The following DNAJB11 variants were observed in gnomAD, a reference collection of about 807,000 sequenced individuals.
DNAJB11 encodes DnaJ heat shock protein family (Hsp40) member B11, also known as dnaJ homolog subfamily B member 11.
In DNAJB11, 30 loss-of-function variants were observed where a neutral mutation model predicts 47.2. The observed-to-expected ratio is 0.64, with a 90% CI of 0.48 to 0.86. DNAJB11 has a LOEUF of 0.86. Among genes scored for constraint, DNAJB11 ranks in the 40% least tolerant of loss-of-function variants. The pLI, the probability that DNAJB11 is intolerant of heterozygous loss-of-function variation, is 0.00. For missense variants in DNAJB11, 357 were observed against 440.2 expected (o/e 0.81, Z 1.69); for synonymous variants, 151 against 159.9 (o/e 0.94, Z 0.42).
At chr3:186,571,084 G>GGCACCCCCGGA in intron 1 of DNAJB11, 119 bp downstream of exon 1, 1 of 952,684 alleles carries the variant, frequency 1.0e-6, no homozygotes, top group Non-Finnish European at 1.6e-6. Flanking sequence ...ATCGCTGTGG[G>GGCACCCCCGGA]TTGGCGGGGT....
chr3:186,574,786 A>C (rs1715208220), intron 2 of DNAJB11, among the ~76,000 whole-genome samples: 2 of 152,200 alleles, frequency 1.3e-5, no homozygotes, highest in Non-Finnish European at 1.5e-5. Context: ...CTTTTAAGTC[A>C]ACAAGCCCCG....
chr3:186,582,689 C>T (rs890309592), intron 6 of DNAJB11, 27 bp from the exon 7 acceptor site: 1 of 1,562,784 alleles, frequency 6.4e-7, no homozygotes, highest in Non-Finnish European at 8.7e-7. Flanking sequence ...GTATGATTTA[C>T]AATATGCTGT....
chr3:186,578,579 G>A (rs1715378213), intron 4 of DNAJB11: 3 of 152,058 alleles, frequency 2.0e-5, no homozygotes, highest in South Asian at 4.1e-4. Flanking sequence ...CATCAAATGG[G>A]TATAAAATAT....
intron 2 of DNAJB11, among the ~76,000 whole-genome samples, chr3:186,574,473 G>A (rs1169077906): frequency 6.6e-6 from 1 of 151,540 alleles, no homozygotes; most frequent in African/African-American, 2.4e-5. Flanking sequence ...TAATAATAAG[G>A]GTTTTTTTTT....
At chr3:186,584,677 A>G in intron 9 of DNAJB11, 88 bp downstream of exon 9, 1 of 1,295,440 alleles carries the variant, frequency 7.7e-7, no homozygotes, top group Non-Finnish European at 1.0e-6. Flanking sequence ...CAATAGAAGA[A>G]CTCTCCAGTG....
chr3:186,571,032 T>TGGGGGGGGGAGGGGGG, intron 1 of DNAJB11, 67 bp downstream of exon 1: 1 of 202,008 alleles, frequency 5.0e-6, no homozygotes, highest in Non-Finnish European at 1.0e-5. Context: ...TGGGAGGGGG[T>TGGGGGGGGGAGGGGGG]GGGGGAAGTG....
At chr3:186,579,853 G>A (rs1035141937) in intron 4 of DNAJB11, 1 of 152,194 alleles carries the variant, frequency 6.6e-6, no homozygotes, top group Non-Finnish European at 1.5e-5. Context: ...TGTAGTTACT[G>A]TTTCCTGGAA....
chr3:186,575,368 C>CGTGT lies in DNAJB11; in HGVS notation c.226-451_226-448dup, dbSNP rs3051602. On this transcript the variant is annotated intron_variant, in intron 2 of 9. Coordinates refer to ENST00000265028, the MANE Select transcript of DNAJB11 (RefSeq NM_016306.6). ...CTCCTAATACATGCGCGCGCGCGCG[C>CGTGT]GTGTGTGTGTGTGTGTGTGTGTGTC... Among the ~76,000 whole-genome samples the CGTGT allele has an allele frequency of 1.3e-3, 193 of 143,456 alleles. 1 individual carries two copies. Among genetic ancestry groups the CGTGT allele is most frequent in the African/African-American group, 3.9e-3 (144 of 37,186 alleles). The allele number at this position is 143,456 out of a possible 152,430, so 94.1% of individuals were successfully genotyped here.
Position 186,581,441 on chromosome 3 carries a change from G to T in DNAJB11, c.527G>T (p.Arg176Leu). 9.9e-6 allele frequency: 16 copies of T among 1,613,774 alleles called. No individual in the cohort carries two copies. The highest frequency in any genetic ancestry group is 1.4e-5 in the Non-Finnish European group (16 of 1,179,954). The change falls in exon 5 of 10, where the codon CGG becomes CTG. Residue 176 changes from arginine to leucine, a missense_variant. Arg to Leu is a moderately radical substitution (Grantham distance 102). Coordinates refer to ENST00000265028, the MANE Select transcript of DNAJB11 (RefSeq NM_016306.6). ...KRKCNCRQEM[R>L]TTQLGPGRFQ... ...AAGTGCAATTGTCGGCAAGAGATGC[G>T]GACCACCCAGCTGGGCCCTGGGCGC...
At chr3:186,581,974 T>C in intron 5 of DNAJB11, 21 bp from the exon 6 acceptor site, 1 of 1,591,234 alleles carries the variant, frequency 6.3e-7, no homozygotes, top group South Asian at 1.1e-5. Flanking sequence ...TTTTCTCCTC[T>C]TTTAATTCTC....
intron 6 of DNAJB11, among the ~76,000 whole-genome samples, 192 bp from the exon 7 acceptor site, chr3:186,582,524 C>G (rs1398817293): frequency 6.6e-6 from 1 of 152,298 alleles, no homozygotes; most frequent in East Asian, 1.9e-4. Context: ...AAGTTATGTA[C>G]TGCTGTATCT....
rs147869391 is a variant in DNAJB11, at chr3:186,576,383, A to G, written c.323+446A>G. On this transcript the variant is annotated intron_variant, in intron 3 of 9. Coordinates refer to ENST00000265028, the MANE Select transcript of DNAJB11 (RefSeq NM_016306.6). ...GCATTAGGGGAAGGAATTAGGGTAGAGGACCTTTATCTCTTGCTTTCTGGG... is the reference window on the plus strand; with the variant it reads ...GCATTAGGGGAAGGAATTAGGGTAGGGGACCTTTATCTCTTGCTTTCTGGG... Among the ~76,000 whole-genome samples, 801 of 152,336 alleles carry G rather than the reference A, an allele frequency of 5.3e-3. 10 individuals carry two copies. The highest frequency in any genetic ancestry group is 0.018 in the African/African-American group (764 of 41,570).
chr3:186,585,357 A>G lies in DNAJB11; in HGVS notation c.1026A>G (p.Leu342=), dbSNP rs1715649027. Residue 342 remains leucine, a synonymous_variant, in exon 10 of 10, where the codon CTA becomes CTG. Coordinates refer to ENST00000265028, the MANE Select transcript of DNAJB11 (RefSeq NM_016306.6). ...TTCTTTCTTCAGGTATCAAACAGCTACTGAAACAAGGGTCAGTGCAGAAGG... is the reference window on the plus strand; with the variant it reads ...TTCTTTCTTCAGGTATCAAACAGCTGCTGAAACAAGGGTCAGTGCAGAAGG... ...TEEAREGIKQ[L]LKQGSVQKVY... The G allele has an allele frequency of 2.5e-6, 4 of 1,611,916 alleles. No homozygotes were observed. Among genetic ancestry groups the G allele is most frequent in the Admixed American group, 3.4e-5 (2 of 59,604 alleles).
intron 3 of DNAJB11, among the ~76,000 whole-genome samples, chr3:186,576,189 G>A (rs1345450843): frequency 6.6e-6 from 1 of 152,302 alleles, no homozygotes; most frequent in Admixed American, 6.5e-5. Context: ...GACAATTCAC[G>A]GGGACATGTG....
In DNAJB11 at chr3:186,577,704, C is replaced by T; in HGVS notation, c.360C>T (p.Thr120=). 1.2e-6 allele frequency: 2 copies of T among 1,603,444 alleles called. No homozygotes were observed. The highest frequency in any genetic ancestry group is 1.3e-5 in the African/African-American group (1 of 74,360). ...ATTTTGGTTTCATGTTTGGAGGAAC[C>T]CCTCGTCAGCAAGACAGAAATATTC... ...FGDFGFMFGG[T]PRQQDRNIPR... is the part of the protein sequence containing the mutation. The change falls in exon 4 of 10, where the codon ACC becomes ACT. Residue 120 remains threonine, a synonymous_variant. Transcript: ENST00000265028.
intron 3 of DNAJB11, among the ~76,000 whole-genome samples, chr3:186,577,415 T>C (rs1228524577): frequency 1.3e-5 from 2 of 152,206 alleles, no homozygotes; most frequent in Non-Finnish European, 1.5e-5. Context: ...TACTGTACTA[T>C]ATGTATGGGC....
chr3:186,585,206 T>C (rs1715643075), intron 9 of DNAJB11, 138 bp from the exon 10 acceptor site: 1 of 596,378 alleles, frequency 1.7e-6, no homozygotes, highest in Non-Finnish European at 2.9e-6. Context: ...GCAATTACGT[T>C]GGAGATTGGT....
intron 1 of DNAJB11, among the ~76,000 whole-genome samples, chr3:186,571,372 G>A (rs1424698802): frequency 2.6e-5 from 4 of 152,168 alleles, no homozygotes; most frequent in African/African-American, 9.7e-5. Context: ...GGGGATGGAC[G>A]TTTGTTTGAT....
intron 2 of DNAJB11, 143 bp downstream of exon 2, chr3:186,572,394 T>C (rs1202114402): frequency 2.4e-6 from 2 of 831,582 alleles, no homozygotes; most frequent in Non-Finnish European, 3.5e-6. Context: ...TAGGCTGGAG[T>C]GCAGTGGTGC....
Sources: allele counts gnomAD v4.1 joint callset (sites outside exome capture counted in the v4.1 genomes callset), GRCh38; gene constraint gnomAD v4.1.1; transcripts MANE v1.5; gene names NCBI Gene and HGNC (gene_info 2026-07-23, HGNC 2026-07-21).